The following CTBP2 variants were observed in gnomAD, a reference collection of about 807,000 sequenced individuals.
The protein encoded by CTBP2 is C-terminal-binding protein 2.
A neutral mutation model predicts 80.3 loss-of-function variants in CTBP2; 30 were observed. That is an observed-to-expected ratio of 0.37 (90% CI 0.28 to 0.51). The LOEUF (loss-of-function observed/expected upper bound fraction) is 0.51. Ranked by LOEUF, CTBP2 falls within the 20% of genes least tolerant of loss-of-function variation. The pLI is 0.93. For missense variants in CTBP2, 1,212 were observed against 1,375.3 expected (o/e 0.88, Z 1.88); for synonymous variants, 594 against 587.4 (o/e 1.01, Z -0.16).
intron 1 of CTBP2, among the ~76,000 whole-genome samples, chr10:125,150,896 T>C (rs1398871282): frequency 6.7e-6 from 1 of 150,112 alleles, no homozygotes; most frequent in Non-Finnish European, 1.5e-5. Flanking sequence ...GGTCAGACTC[T>C]GGATCACAGA....
At chr10:125,078,312 G>A (rs1590605504) in intron 2 of CTBP2, among the ~76,000 whole-genome samples, 6 of 151,768 alleles carry the variant, frequency 4.0e-5, no homozygotes, top group Admixed American at 3.9e-4. Context: ...CTTTCTCATG[G>A]GAGGATGGGC....
At chr10:125,085,722 G>T (rs1350892668) in intron 2 of CTBP2, among the ~76,000 whole-genome samples, 4 of 152,212 alleles carry the variant, frequency 2.6e-5, no homozygotes, top group Admixed American at 2.6e-4. Flanking sequence ...CAGCTGGGGT[G>T]TGGGTAATCT....
In CTBP2 at chr10:125,098,728, G is replaced by C. The variant is rs879700588; in HGVS notation, c.-102+12262C>G. Among the ~76,000 whole-genome samples, 36 of 127,302 alleles carry C rather than the reference G, an allele frequency of 2.8e-4. 2 individuals carry two copies. Among genetic ancestry groups the C allele is most frequent in the African/African-American group, 9.9e-4 (32 of 32,220 alleles). The allele number at this position is 127,302 out of a possible 152,430, so 83.5% of individuals were successfully genotyped here. A position where few individuals can be genotyped will look rare whatever the true frequency, so the allele number is the denominator to read the frequency against. ...AGAGACAGAGAGAGAGAGAGACAGA[G>C]AGAGAGAGAGAGAGAGAGAGACAGA... is the stretch of plus-strand genomic sequence containing the variant. On this transcript the variant is annotated intron_variant, in intron 2 of 10. Coordinates refer to the CTBP2 transcript ENST00000337195.
intron 2 of CTBP2, among the ~76,000 whole-genome samples, chr10:125,101,491 C>G (rs1258453513): frequency 6.6e-6 from 1 of 152,240 alleles, no homozygotes; most frequent in Non-Finnish European, 1.5e-5. Context: ...CACACCCTCA[C>G]AACTAAAACC....
intron 2 of CTBP2, among the ~76,000 whole-genome samples, chr10:125,044,439 C>T (rs923726087): frequency 6.7e-5 from 8 of 120,066 alleles, no homozygotes; most frequent in African/African-American, 9.8e-5. Flanking sequence ...ACTTTTCATC[C>T]GGAGTTAACA....
intron 1 of CTBP2, among the ~76,000 whole-genome samples, chr10:125,009,763 C>T (rs1167979579): frequency 6.6e-6 from 1 of 152,142 alleles, no homozygotes; most frequent in Admixed American, 6.5e-5. Flanking sequence ...AGACACTTGG[C>T]GTTAGACTTG....
intron 3 of CTBP2, among the ~76,000 whole-genome samples, chr10:125,035,730 G>A (rs1027002728): frequency 6.6e-6 from 1 of 152,140 alleles, no homozygotes; most frequent in Non-Finnish European, 1.5e-5. Context: ...ATAGATGTTT[G>A]GGGCAAACCA....
Position 124,994,483 on chromosome 10 carries a change from A to G in CTBP2, c.2386T>C (p.Phe796Leu). ...TTTCAAATTACCTGCTTTATGGTAA[A>G]GTCATTGATGAGGTGGTGGTTATGT... Residue 796 changes from phenylalanine (F) to leucine (L), a missense_variant, in exon 5 of 9, where the codon TTT becomes CTT. Phe to Leu is a conservative substitution (Grantham distance 22). Coordinates refer to ENST00000309035, the MANE Select transcript of CTBP2 (RefSeq NM_022802.3). 6.2e-7 allele frequency: 1 copy of G among 1,613,934 alleles called. No individual in the cohort carries two copies. The highest frequency in any genetic ancestry group is 8.5e-7 in the Non-Finnish European group (1 of 1,179,834).
intron 1 of CTBP2, chr10:125,005,735 T>A (rs1390019041): frequency 6.2e-7 from 1 of 1,612,926 alleles, no homozygotes; most frequent in South Asian, 1.1e-5. Flanking sequence ...TTCCTTCTGT[T>A]TCAGTACACT....
intron 6 of CTBP2, 63 bp downstream of exon 8, chr10:124,993,792 G>C (rs563552287): frequency 6.5e-7 from 1 of 1,549,946 alleles, no homozygotes; most frequent in African/African-American, 1.4e-5. Context: ...AGTTCAAAGT[G>C]TGGGGGTCAG....
intron 2 of CTBP2, among the ~76,000 whole-genome samples, chr10:125,079,580 A>G (rs545150722): frequency 3.2e-4 from 48 of 152,238 alleles, no homozygotes; most frequent in Non-Finnish European, 5.3e-4. Context: ...AAATCCAATC[A>G]AGCCTTGGCT....
chr10:125,109,854 A>G (rs1487084136), intron 2 of CTBP2, among the ~76,000 whole-genome samples: 6 of 152,250 alleles, frequency 3.9e-5, no homozygotes, highest in Admixed American at 1.3e-4. Context: ...CCACTTGCTC[A>G]GTCACCAAGC....
intron 2 of CTBP2, among the ~76,000 whole-genome samples, chr10:125,050,010 T>C (rs1171387640): frequency 1.3e-5 from 2 of 152,174 alleles, no homozygotes; most frequent in Non-Finnish European, 2.9e-5. Flanking sequence ...TGCACTGGGA[T>C]AAAAGTGCTC....
intron 2 of CTBP2, among the ~76,000 whole-genome samples, chr10:125,097,956 C>T (rs1162277503): frequency 6.6e-6 from 1 of 152,058 alleles, no homozygotes; most frequent in Admixed American, 6.5e-5. Context: ...ATGGTGAAAC[C>T]CCATCTCTAC....
At chr10:125,143,462 A>T (rs1858204608) in intron 1 of CTBP2, among the ~76,000 whole-genome samples, 1 of 152,208 alleles carries the variant, frequency 6.6e-6, no homozygotes, top group African/African-American at 2.4e-5. Context: ...TGGGCTACAG[A>T]GTGAGCCTCC....
intron 2 of CTBP2, among the ~76,000 whole-genome samples, chr10:125,053,098 A>AAG (rs1554889355): frequency 0.15 from 22,833 of 151,954 alleles, 2,032 homozygotes; most frequent in African/African-American, 0.25. Context: ...AGAGAAAAAA[A>AAG]AAGAAAACAA....
At chr10:125,133,718 C>T (rs1856537419) in intron 1 of CTBP2, 1 of 152,194 alleles carries the variant, frequency 6.6e-6, no homozygotes, top group Non-Finnish European at 1.5e-5. Flanking sequence ...TTTGAAATGA[C>T]TGTTTTTGCC....
At chr10:125,039,077 T>G (rs376579397) in exon 3 of CTBP2, 2 of 1,609,572 alleles carry the variant, frequency 1.2e-6, no homozygotes, top group Non-Finnish European at 1.7e-6. Context: ...TTTGCAACTC[T>G]CAGATCAAAA....
chr10:125,069,631 A>C (rs1056580244), intron 2 of CTBP2, among the ~76,000 whole-genome samples: 15 of 152,150 alleles, frequency 9.9e-5, no homozygotes, highest in African/African-American at 3.4e-4. Context: ...AACAAACAAG[A>C]AAACAAAATT....
Sources: gnomAD v4.1 joint callset for allele counts (sites outside exome capture counted in the v4.1 genomes callset) on GRCh38, gnomAD v4.1.1 for gene constraint, MANE v1.5 for transcripts, NCBI Gene and HGNC (gene_info 2026-07-23, HGNC 2026-07-21) for gene names.